Variants in ZNF717 observed in about 807,000 individuals in gnomAD.
The protein encoded by ZNF717 is krueppel-like factor X17.
ZNF717 carries 9 observed loss-of-function variants against 13.8 expected under a neutral mutation model. The ratio of observed to expected loss-of-function variants is 0.65; its 90% CI spans 0.39 to 1.14. The LOEUF is 1.14. ZNF717 is among the 50% of genes most tolerant of loss of function. ZNF717 has a pLI of 0.01. For synonymous variants in ZNF717, 327 were observed against 364.1 expected (o/e 0.90, Z 1.16); for missense variants, 1,040 against 1,080.7 (o/e 0.96, Z 0.53).
At chr3:75,709,007 CT>C (rs149575572), downstream of ZNF717, among the ~76,000 whole-genome samples, 83 of 143,010 alleles carry the variant, frequency 5.8e-4, no homozygotes, top group Admixed American at 6.9e-4. Flanking sequence ...TTTTTCTTTT[CT>C]TTTTTTTTTT....
chr3:75,717,081 C>T (rs1938070442), intron 4 of ZNF717, among the ~76,000 whole-genome samples: 1 of 152,128 alleles, frequency 6.6e-6, no homozygotes. Context: ...AGAGGTTTTG[C>T]ACAATTTGGG....
At chr3:75,707,369 C>T (rs1304536358), downstream of ZNF717, among the ~76,000 whole-genome samples, 1 of 152,242 alleles carries the variant, frequency 6.6e-6, no homozygotes, top group Admixed American at 6.5e-5. Context: ...ACCCTCAGAG[C>T]ATTAAGAAAT....
At chr3:75,775,167 T>G (rs1213125786) in intron 2 of ZNF717, among the ~76,000 whole-genome samples, 1 of 152,082 alleles carries the variant, frequency 6.6e-6, no homozygotes, top group Admixed American at 6.5e-5. Context: ...TTTTACCATG[T>G]TGGCCAGGCT....
At chr3:75,774,024 TG>T (rs1944102622) in intron 2 of ZNF717, among the ~76,000 whole-genome samples, 1 of 152,120 alleles carries the variant, frequency 6.6e-6, no homozygotes, top group Non-Finnish European at 1.5e-5. Flanking sequence ...CACTCCAGCC[TG>T]GGCAACAAGA....
intron 5 of ZNF717, among the ~76,000 whole-genome samples, chr3:75,714,126 C>T (rs1487506947): frequency 6.6e-6 from 1 of 152,086 alleles, no homozygotes; most frequent in Non-Finnish European, 1.5e-5. Flanking sequence ...AGCACAGTAT[C>T]ACAGGGAGAT....
chr3:75,752,842 A>C (rs1489088442), intron 2 of ZNF717, among the ~76,000 whole-genome samples: 2 of 151,038 alleles, frequency 1.3e-5, no homozygotes, highest in East Asian at 4.0e-4. Context: ...TGTCCTTCAA[A>C]TAGGATTCAA....
chr3:75,752,721 T>A (rs1338315695), intron 2 of ZNF717, among the ~76,000 whole-genome samples: 2 of 145,342 alleles, frequency 1.4e-5, no homozygotes, highest in Non-Finnish European at 3.0e-5. Context: ...ACACTCCTGC[T>A]ATGGTCTGAA....
chr3:75,733,281 C>T (rs1575738450), downstream of ZNF717, among the ~76,000 whole-genome samples: 1 of 152,354 alleles, frequency 6.6e-6, no homozygotes, highest in Non-Finnish European at 1.5e-5. Flanking sequence ...ATAGAAGAAA[C>T]ATCTGCAACA....
chr3:75,708,311 G>C (rs1468151305), downstream of ZNF717, among the ~76,000 whole-genome samples: 1 of 152,256 alleles, frequency 6.6e-6, no homozygotes, highest in Non-Finnish European at 1.5e-5. Context: ...CTGTTCTACA[G>C]CCACTGCTGT....
chr3:75,750,243 C>T (rs1394975957), intron 2 of ZNF717, among the ~76,000 whole-genome samples: 1 of 149,718 alleles, frequency 6.7e-6, no homozygotes, highest in Non-Finnish European at 1.5e-5. Flanking sequence ...CAGAACACTG[C>T]TGGTGGGTTC....
In ZNF717 at chr3:75,758,604, G is replaced by A. The variant is rs147803129; in HGVS notation, c.58-16868C>T. Among the ~76,000 whole-genome samples, 475 of 152,318 alleles carry A rather than the reference G, an allele frequency of 3.1e-3. 11 individuals carry two copies. In the Middle Eastern group the frequency reaches 0.041, roughly 13 times the overall value. ...CTACAGATCATTCTTTTGTGAAAGG[G>A]AGAGTCAATTGACACAGCAAACTTC... On this transcript the variant is annotated intron_variant, in intron 2 of 4. Coordinates refer to ENST00000652011, the MANE Select transcript of ZNF717 (RefSeq NM_001290208.3).
chr3:75,698,166 G>T (rs1937625886), intron 6 of ZNF717, among the ~76,000 whole-genome samples: 2 of 125,600 alleles, frequency 1.6e-5, no homozygotes, highest in South Asian at 5.6e-4. Context: ...AAAAAAAAAG[G>T]TTGTAACTTA....
chr3:75,741,701 G>A lies in ZNF717; in HGVS notation c.93C>T (p.Phe31=), dbSNP rs201689840. ...CCAGGTCCTGCCACTCCTCCCAGGT[G>A]AAGTGCACAGCTACCTCCTCAAAGG... ...LVSFEEVAVH[F]TWEEWQDLDD... Residue 31 remains phenylalanine (F), a synonymous_variant, in exon 3 of 5, where the codon TTC becomes TTT. Transcript: ENST00000652011. 13 of 1,591,266 alleles carry A rather than the reference G, an allele frequency of 8.2e-6. No homozygotes were observed. The highest frequency in any genetic ancestry group is 2.7e-5 in the African/African-American group (2 of 74,100).
chr3:75,744,624 T>A (rs79966205), intron 2 of ZNF717, among the ~76,000 whole-genome samples: 1 of 146,966 alleles, frequency 6.8e-6, no homozygotes, highest in African/African-American at 2.5e-5. Context: ...ACTCTAAGTG[T>A]TAAAAACTAC....
At chr3:75,777,090 A>C (rs1328208905) in intron 2 of ZNF717, among the ~76,000 whole-genome samples, 1 of 152,242 alleles carries the variant, frequency 6.6e-6, no homozygotes, top group Non-Finnish European at 1.5e-5. Context: ...GTTTGCATGC[A>C]GCCATCTCTA....
exon 6 of ZNF717, chr3:75,730,005 T>C (rs541464628): frequency 2.0e-5 from 3 of 152,386 alleles, no homozygotes; most frequent in Non-Finnish European, 4.4e-5. Context: ...TTCAAATATT[T>C]TGCATCCAAG....
chr3:75,736,102 C>T lies in ZNF717; in HGVS notation c.*776G>A, dbSNP rs73843004. On this transcript the variant is annotated 3_prime_UTR_variant, in exon 5 of 5. Coordinates refer to ENST00000652011, the MANE Select transcript of ZNF717 (RefSeq NM_001290208.3). ...GATGTTACTAATGGAATTGTCTCAG[C>T]GTGCTGGAACTCTATGGAAGATAGC... 1 of 137,780 alleles carries T rather than the reference C, an allele frequency of 7.3e-6. No individual in the cohort carries two copies. The highest frequency in any genetic ancestry group is 1.6e-5 in the Non-Finnish European group (1 of 61,790). The allele number at this position is 137,780 out of a possible 1,614,324, so 8.5% of individuals were successfully genotyped here.
chr3:75,707,567 G>C (rs77539077), downstream of ZNF717, among the ~76,000 whole-genome samples: 2 of 145,290 alleles, frequency 1.4e-5, no homozygotes, highest in African/African-American at 5.0e-5. Context: ...TTGAGGTACC[G>C]GGTTCATCTC....
Position 75,737,707 on chromosome 3 carries a change from C to A in ZNF717, c.1916G>T (p.Gly639Val). The A allele has an allele frequency of 6.5e-7, 1 of 1,545,114 alleles. No homozygotes were observed. Residue 639 changes from glycine to valine, a missense_variant, in exon 5 of 5, where the codon GGA (glycine) becomes GTA (valine). Physicochemically the swap from Gly to Val is moderately radical, Grantham distance 109 (BLOSUM62 -3). Coordinates refer to ENST00000652011, the MANE Select transcript of ZNF717 (RefSeq NM_001290208.3). ...GTAAGGTTTCTCTCCTGTGTGAGTT[C>A]CCTGATGGGTGCTGAGATTTGACTT... ...RQKSNLSTHQGTHTGEKPYVC... is the reference protein window; with the variant it reads ...RQKSNLSTHQVTHTGEKPYVC...
Sources: allele counts gnomAD v4.1 joint callset (sites outside exome capture counted in the v4.1 genomes callset), GRCh38; gene constraint gnomAD v4.1.1; transcripts MANE v1.5; gene names NCBI Gene and HGNC (gene_info 2026-07-23, HGNC 2026-07-21).